The following OSTN variants were observed in gnomAD, a reference collection of about 807,000 sequenced individuals.
OSTN encodes osteocrin.
Under a neutral mutation model 12.0 loss-of-function variants are expected in OSTN, and 9 were observed. That is an observed-to-expected ratio of 0.75 (90% CI 0.45 to 1.30). OSTN has a LOEUF of 1.30. OSTN is among the 50% of genes most tolerant of loss of function. OSTN has a pLI of 0.00. For missense variants in OSTN, 148 were observed against 152.3 expected (o/e 0.97, Z 0.15); for synonymous variants, 59 against 56.9 (o/e 1.04, Z -0.16).
intron 1 of OSTN, among the ~76,000 whole-genome samples, chr3:191,205,765 A>G (rs1168203351): frequency 6.6e-6 from 1 of 152,152 alleles, no homozygotes; most frequent in Non-Finnish European, 1.5e-5. Flanking sequence ...CTCAGCTTAA[A>G]AGAGAGGATA....
intron 3 of OSTN, among the ~76,000 whole-genome samples, chr3:191,231,612 C>T (rs555139713): frequency 8.7e-4 from 132 of 152,216 alleles, no homozygotes; most frequent in African/African-American, 3.1e-3. Context: ...TAGTGTTATA[C>T]GCATGAGTGT....
chr3:191,237,636 C>A (rs1182208584), intron 3 of OSTN, among the ~76,000 whole-genome samples: 1 of 152,216 alleles, frequency 6.6e-6, no homozygotes, highest in Non-Finnish European at 1.5e-5. Flanking sequence ...CAGTTAAATG[C>A]CACCTTTTGA....
At chr3:191,207,925 C>A (rs1714320005) in intron 1 of OSTN, among the ~76,000 whole-genome samples, 1 of 152,094 alleles carries the variant, frequency 6.6e-6, no homozygotes, top group Admixed American at 6.5e-5. Context: ...GTGGAAAGTC[C>A]TTAAAATAAA....
chr3:191,203,978 C>G (rs1240622092), intron 1 of OSTN, among the ~76,000 whole-genome samples: 1 of 152,178 alleles, frequency 6.6e-6, no homozygotes, highest in African/African-American at 2.4e-5. Flanking sequence ...ACCTCCGCCT[C>G]CTGGGTTCAA....
chr3:191,218,665 C>G, intron 2 of OSTN, 82 bp from the exon 3 acceptor site: 1 of 1,114,244 alleles, frequency 9.0e-7, no homozygotes, highest in Non-Finnish European at 1.3e-6. Context: ...TGTCAGCTAA[C>G]AGTAGCAAAA....
At chr3:191,200,367 A>AG (rs1714125369) in intron 1 of OSTN, among the ~76,000 whole-genome samples, 1 of 152,098 alleles carries the variant, frequency 6.6e-6, no homozygotes, top group Admixed American at 6.6e-5. Context: ...TTTTTAACTG[A>AG]TTCTTATATA....
rs1715868485 is a variant in OSTN, at chr3:191,264,107, T to C, written c.*1254T>C. 1 of 152,078 alleles carries C rather than the reference T, an allele frequency of 6.6e-6. No homozygotes were observed. Among genetic ancestry groups the C allele is most frequent in the Non-Finnish European group, 1.5e-5 (1 of 67,962 alleles). The allele number at this position is 152,078 out of a possible 1,614,324, so 9.4% of individuals were successfully genotyped here. A position where few individuals can be genotyped will look rare whatever the true frequency, so the allele number is the denominator to read the frequency against. On this transcript the variant is annotated 3_prime_UTR_variant, in exon 5 of 5. Coordinates refer to ENST00000682035, the MANE Select transcript of OSTN (RefSeq NM_198184.2). Reference sequence around the variant, plus strand: ...AGTAGAGCAAAGGCTTATTTCAGCATAAAAAGAGAGTGTTGTGAGTTGTGA... The same window carrying C: ...AGTAGAGCAAAGGCTTATTTCAGCACAAAAAGAGAGTGTTGTGAGTTGTGA...
intron 1 of OSTN, among the ~76,000 whole-genome samples, chr3:191,202,633 G>A (rs181627425): frequency 3.4e-4 from 51 of 152,226 alleles, no homozygotes; most frequent in African/African-American, 1.1e-3. Flanking sequence ...AACAGTGAAG[G>A]GGGTCGTGAA....
At chr3:191,201,413 T>C (rs1302302770) in intron 1 of OSTN, among the ~76,000 whole-genome samples, 1 of 152,154 alleles carries the variant, frequency 6.6e-6, no homozygotes, top group African/African-American at 2.4e-5. Context: ...CCTCTGTTTC[T>C]AAAATTCTAT....
At chr3:191,245,018 A>G (rs538875447) in intron 3 of OSTN, among the ~76,000 whole-genome samples, 2 of 152,234 alleles carry the variant, frequency 1.3e-5, no homozygotes, top group South Asian at 2.1e-4. Flanking sequence ...AGGGGCCACT[A>G]TATATTGTGT....
chr3:191,261,701 T>G (rs1715813933), intron 4 of OSTN, among the ~76,000 whole-genome samples: 1 of 150,142 alleles, frequency 6.7e-6, no homozygotes, highest in Non-Finnish European at 1.5e-5. Context: ...ATTTCTTCCC[T>G]GATACGTATT....
At chr3:191,235,144 T>C (rs1486564601) in intron 3 of OSTN, among the ~76,000 whole-genome samples, 1 of 152,162 alleles carries the variant, frequency 6.6e-6, no homozygotes, top group Non-Finnish European at 1.5e-5. Context: ...TCAGTGGTAG[T>C]TGTTGTTCCC....
At chr3:191,257,247 C>T (rs1715694151) in intron 4 of OSTN, among the ~76,000 whole-genome samples, 1 of 149,676 alleles carries the variant, frequency 6.7e-6, no homozygotes, top group Non-Finnish European at 1.5e-5. Flanking sequence ...TTTTTATAAT[C>T]CTTCTTACCA....
Position 191,264,358 on chromosome 3 carries a change from T to A in OSTN, c.*1505T>A, listed in dbSNP as rs1365156961. The A allele has an allele frequency of 6.6e-6, 1 of 152,074 alleles. No individual in the cohort carries two copies. Among genetic ancestry groups the A allele is most frequent in the Non-Finnish European group, 1.5e-5 (1 of 67,942 alleles). The allele number at this position is 152,074 out of a possible 1,614,324, so 9.4% of individuals were successfully genotyped here. On this transcript the variant is annotated 3_prime_UTR_variant, in exon 5 of 5. Coordinates refer to ENST00000682035, the MANE Select transcript of OSTN (RefSeq NM_198184.2). ...AAAGTTTAAAAGAGGCAAAAAGAGGTGAAAGAAATGAACATGTGTACTTAG... is the reference window on the plus strand; with the variant it reads ...AAAGTTTAAAAGAGGCAAAAAGAGGAGAAAGAAATGAACATGTGTACTTAG...
At chr3:191,259,917 C>T (rs917787294) in intron 4 of OSTN, among the ~76,000 whole-genome samples, 1 of 144,206 alleles carries the variant, frequency 6.9e-6, no homozygotes, top group Non-Finnish European at 1.5e-5. Flanking sequence ...CGCAGTGGTA[C>T]AATCTCGACT....
chr3:191,239,513 G>T (rs1715275055), intron 3 of OSTN, among the ~76,000 whole-genome samples: 2 of 152,132 alleles, frequency 1.3e-5, no homozygotes, highest in African/African-American at 4.8e-5. Context: ...AGTACTCATG[G>T]TTTCTTTCTG....
chr3:191,218,927 T>C lies in OSTN; in HGVS notation c.283T>C (p.Ser95Pro), dbSNP rs764548243. Residue 95 changes from serine (S) to proline (P), a missense_variant, in exon 3 of 5, where the codon TCA becomes CCA. Coordinates refer to ENST00000682035, the MANE Select transcript of OSTN (RefSeq NM_198184.2). ...SGFGSPLDRL[S>P]AGSVDHKGKQ... is the part of the protein sequence containing the mutation. ...TTTTGGGTCTCCCCTTGACAGACTC[T>C]CAGCTGGCTCTGTAGATCACAAAGG... The C allele has an allele frequency of 1.4e-5, 22 of 1,613,974 alleles. No individual in the cohort carries two copies. In the East Asian group the frequency reaches 3.6e-4, roughly 26 times the overall value.
chr3:191,216,862 G>A (rs532944998), intron 2 of OSTN, among the ~76,000 whole-genome samples: 5 of 152,206 alleles, frequency 3.3e-5, no homozygotes, highest in South Asian at 2.1e-4. Context: ...ACTTTCCCAC[G>A]TCCTCCTGTC....
chr3:191,207,387 G>GT lies in OSTN; in HGVS notation c.1-5136dup, dbSNP rs35631602. 2.0e-3 allele frequency among the ~76,000 whole-genome samples: 303 copies of GT among 149,516 alleles called. 2 individuals are homozygous for GT. The highest frequency in any genetic ancestry group is 6.9e-3 in the Middle Eastern group (2 of 290). ...GAGAAATGTCCTTTACACCTGAGTT[G>GT]TTTTTTTTTTGTTGTTCAACACCAG... On this transcript the variant is annotated intron_variant, in intron 1 of 4. Transcript: ENST00000682035.
Sources: allele counts gnomAD v4.1 joint callset (sites outside exome capture counted in the v4.1 genomes callset), GRCh38; gene constraint gnomAD v4.1.1; transcripts MANE v1.5; gene names NCBI Gene and HGNC (gene_info 2026-07-23, HGNC 2026-07-21).